The following PARM1 variants were observed in gnomAD, a reference collection of about 807,000 sequenced individuals.
PARM1 encodes the protein prostate androgen-regulated mucin-like protein 1.
A neutral mutation model predicts 24.6 loss-of-function variants in PARM1; 14 were observed. The ratio of observed to expected loss-of-function variants is 0.57; its 90% CI spans 0.38 to 0.89. The LOEUF (loss-of-function observed/expected upper bound fraction) is 0.89, where lower values mean the gene tolerates loss of function less well. PARM1 is among the 40% of genes least tolerant of loss of function. The probability of loss-of-function intolerance (pLI) is 0.00; values close to 1 mark genes in which losing one functional copy is unlikely to be tolerated. For missense variants in PARM1, 362 were observed against 380.4 expected (o/e 0.95, Z 0.40); for synonymous variants, 179 against 156.6 (o/e 1.14, Z -1.07).
chr4:75,030,428 G>A (rs1723252862), intron 2 of PARM1, among the ~76,000 whole-genome samples: 1 of 152,128 alleles, frequency 6.6e-6, no homozygotes, highest in Non-Finnish European at 1.5e-5. Flanking sequence ...ATCTGCAAAT[G>A]GTAGCTATGG....
At chr4:74,965,451 G>A (rs748830292) in intron 1 of PARM1, 4 of 152,122 alleles carry the variant, frequency 2.6e-5, no homozygotes, top group African/African-American at 4.8e-5. Context: ...GGGCAAAAAC[G>A]GATATTAGAG....
intron 1 of PARM1, among the ~76,000 whole-genome samples, chr4:74,944,401 C>T (rs1211690552): frequency 6.6e-6 from 1 of 152,180 alleles, no homozygotes; most frequent in Non-Finnish European, 1.5e-5. Flanking sequence ...GAAGGGCAGG[C>T]TCTCAGCCAT....
At chr4:75,003,743 C>T (rs888776005) in intron 1 of PARM1, among the ~76,000 whole-genome samples, 8 of 152,156 alleles carry the variant, frequency 5.3e-5, no homozygotes, top group African/African-American at 1.4e-4. Context: ...GCATTGGGTG[C>T]CCTCAGCAGA....
chr4:74,935,100 G>C (rs751324567), intron 1 of PARM1, among the ~76,000 whole-genome samples: 46 of 151,636 alleles, frequency 3.0e-4, no homozygotes, highest in Middle Eastern at 3.4e-3. Flanking sequence ...GGAGACTGGT[G>C]GGCCAGGGAC....
intron 2 of PARM1, among the ~76,000 whole-genome samples, chr4:75,028,327 G>A (rs901939385): frequency 3.3e-5 from 5 of 152,112 alleles, no homozygotes; most frequent in Admixed American, 6.5e-5. Context: ...CTCGCCAGTC[G>A]CCCACTTCCC....
At chr4:74,990,533 T>A (rs1050554433) in intron 1 of PARM1, among the ~76,000 whole-genome samples, 28 of 152,016 alleles carry the variant, frequency 1.8e-4, no homozygotes, top group African/African-American at 6.3e-4. Flanking sequence ...AAACAGCAAA[T>A]GGACTTCAGG....
At chr4:74,976,341 G>A (rs1722138150) in intron 1 of PARM1, among the ~76,000 whole-genome samples, 1 of 152,200 alleles carries the variant, frequency 6.6e-6, no homozygotes, top group Admixed American at 6.5e-5. Context: ...GCAGATAATG[G>A]CCAGACTGCT....
In PARM1 at chr4:74,988,129, A is replaced by G. The variant is rs531632463; in HGVS notation, c.44-24296A>G. The stretch of plus-strand genomic sequence containing the variant: ...TTTATACAATGGGCACCTTTATGCA[A>G]CTGTTGGAGAGATGGCTGTGTGTAT... On this transcript the variant is annotated intron_variant, in intron 1 of 3. Transcript: ENST00000307428. Among the ~76,000 whole-genome samples the G allele has an allele frequency of 5.9e-5, 9 of 152,306 alleles. No homozygotes were observed. In the East Asian group the frequency reaches 1.5e-3, roughly 26 times the overall value.
intron 2 of PARM1, among the ~76,000 whole-genome samples, chr4:75,019,791 C>T (rs950908147): frequency 2.6e-5 from 4 of 151,456 alleles, no homozygotes; most frequent in Admixed American, 1.3e-4. Context: ...ATCATGAGGT[C>T]AGGAGATCGA....
intron 1 of PARM1, 97 bp downstream of exon 1, chr4:74,933,467 C>T: frequency 1.9e-6 from 2 of 1,032,718 alleles, no homozygotes; most frequent in Non-Finnish European, 3.0e-6. Context: ...GGCAGTGAGT[C>T]GCCGCGCGCC....
At chr4:74,940,869 G>A (rs7657616) in intron 1 of PARM1, among the ~76,000 whole-genome samples, 2,278 of 152,248 alleles carry the variant, frequency 0.015, 57 homozygotes, top group African/African-American at 0.052. Context: ...TATTTAGGGC[G>A]ATGTTTAAGA....
At chr4:74,943,733 C>T (rs1578021900) in intron 1 of PARM1, among the ~76,000 whole-genome samples, 1 of 152,134 alleles carries the variant, frequency 6.6e-6, no homozygotes, top group South Asian at 2.1e-4. Flanking sequence ...CTTCACCATT[C>T]GAGCATTTTT....
At chr4:75,001,698 G>T (rs140954932) in intron 1 of PARM1, among the ~76,000 whole-genome samples, 1 of 152,148 alleles carries the variant, frequency 6.6e-6, no homozygotes, top group African/African-American at 2.4e-5. Context: ...GGCATCTTCG[G>T]TGAAAACCCT....
chr4:75,037,627 C>T (rs1195788081), intron 3 of PARM1, among the ~76,000 whole-genome samples: 1 of 152,120 alleles, frequency 6.6e-6, no homozygotes, highest in Admixed American at 6.5e-5. Flanking sequence ...ATAAAATGAA[C>T]TGCCCTGAAC....
At chr4:75,006,677 C>G (rs907399874) in intron 1 of PARM1, among the ~76,000 whole-genome samples, 1 of 152,162 alleles carries the variant, frequency 6.6e-6, no homozygotes, top group African/African-American at 2.4e-5. Flanking sequence ...ATGGCTGGGT[C>G]AAATAGTATT....
chr4:75,014,111 T>C (rs1722932593), intron 2 of PARM1, among the ~76,000 whole-genome samples: 1 of 152,176 alleles, frequency 6.6e-6, no homozygotes, highest in Non-Finnish European at 1.5e-5. Flanking sequence ...GAACCCTGCA[T>C]GGTCAGTTGG....
chr4:74,984,317 G>T (rs1160144618), intron 1 of PARM1, among the ~76,000 whole-genome samples: 2 of 152,176 alleles, frequency 1.3e-5, no homozygotes, highest in Non-Finnish European at 2.9e-5. Context: ...CTGAAGCAGG[G>T]TTTAACAACC....
At chr4:74,959,202 C>A (rs576939285) in intron 1 of PARM1, among the ~76,000 whole-genome samples, 10 of 152,232 alleles carry the variant, frequency 6.6e-5, no homozygotes, top group Admixed American at 5.2e-4. Context: ...TTTATAAAAT[C>A]ATAAAATGTT....
intron 1 of PARM1, among the ~76,000 whole-genome samples, chr4:74,947,870 C>A (rs1016939756): frequency 1.3e-5 from 2 of 152,150 alleles, no homozygotes; most frequent in African/African-American, 4.8e-5. Flanking sequence ...CAAAACAAGT[C>A]CGCAGTGTTT....
Sources: gnomAD v4.1 joint callset for allele counts (sites outside exome capture counted in the v4.1 genomes callset) on GRCh38, gnomAD v4.1.1 for gene constraint, MANE v1.5 for transcripts, NCBI Gene and HGNC (gene_info 2026-07-23, HGNC 2026-07-21) for gene names.